Variants in CTNNA3 observed in about 807,000 individuals in gnomAD.
CTNNA3 encodes the protein catenin alpha-3.
CTNNA3 carries 76 observed loss-of-function variants against 95.7 expected under a neutral mutation model. The observed-to-expected ratio is 0.79, with a 90% CI of 0.66 to 0.96. The LOEUF (loss-of-function observed/expected upper bound fraction) is 0.96, where lower values mean the gene tolerates loss of function less well. Among genes scored for constraint, CTNNA3 ranks in the 40% least tolerant of loss-of-function variants. CTNNA3 has a pLI of 0.00. For missense variants in CTNNA3, 1,191 were observed against 1,089.8 expected (o/e 1.09, Z -1.31); for synonymous variants, 431 against 374.4 (o/e 1.15, Z -1.74).
intron 5 of CTNNA3, among the ~76,000 whole-genome samples, chr10:67,267,932 C>A (rs1490140952): frequency 6.6e-6 from 1 of 151,616 alleles, no homozygotes; most frequent in Non-Finnish European, 1.5e-5. Context: ...GAAGAAAGAG[C>A]CAAGAATTTA....
chr10:67,636,452 G>A (rs10997764), intron 2 of CTNNA3, among the ~76,000 whole-genome samples: 18,597 of 152,116 alleles, frequency 0.12, 2,103 homozygotes, highest in East Asian at 0.44. Flanking sequence ...AAACAGCATG[G>A]TACTGGTATA....
chr10:66,798,688 T>G (rs945327459), intron 7 of CTNNA3, among the ~76,000 whole-genome samples: 2 of 151,636 alleles, frequency 1.3e-5, no homozygotes, highest in African/African-American at 4.8e-5. Context: ...AAACTTTGAT[T>G]AGTGAAGTGA....
At chr10:66,712,342 G>C (rs953379538) in intron 9 of CTNNA3, among the ~76,000 whole-genome samples, 8 of 152,086 alleles carry the variant, frequency 5.3e-5, no homozygotes, top group African/African-American at 1.7e-4. Context: ...TGAGTAAAGA[G>C]GGAGGAATTA....
At chr10:66,888,818 C>T (rs1287183098) in intron 7 of CTNNA3, among the ~76,000 whole-genome samples, 3 of 152,144 alleles carry the variant, frequency 2.0e-5, no homozygotes, top group East Asian at 1.9e-4. Context: ...GACACTTTAA[C>T]GAAATTATAC....
chr10:66,291,741 T>C (rs1046071259), intron 12 of CTNNA3, among the ~76,000 whole-genome samples: 1 of 151,662 alleles, frequency 6.6e-6, no homozygotes, highest in African/African-American at 2.4e-5. Context: ...TATATGTGTA[T>C]TTATATATTA....
At chr10:66,211,982 GGTTTT>G (rs992931667) in intron 13 of CTNNA3, among the ~76,000 whole-genome samples, 5 of 119,604 alleles carry the variant, frequency 4.2e-5, no homozygotes, top group African/African-American at 1.7e-4. Context: ...ATTGTTTTTG[GGTTTT>G]TTTTTTTTTT....
At chr10:67,726,221 CAT>C (rs1316524037) in intron 1 of CTNNA3, among the ~76,000 whole-genome samples, 2 of 90,344 alleles carry the variant, frequency 2.2e-5, no homozygotes, top group Non-Finnish European at 3.8e-5. Flanking sequence ...ATACATAATA[CAT>C]CATACATTAT....
chr10:66,068,919 A>G (rs1176776199), intron 15 of CTNNA3, among the ~76,000 whole-genome samples: 1 of 152,204 alleles, frequency 6.6e-6, no homozygotes, highest in Non-Finnish European at 1.5e-5. Context: ...TATCCTGATT[A>G]TGCTATAAAT....
intron 11 of CTNNA3, among the ~76,000 whole-genome samples, chr10:66,456,611 A>AAG (rs1343730922): frequency 6.6e-6 from 1 of 151,838 alleles, no homozygotes; most frequent in Non-Finnish European, 1.5e-5. Context: ...GGGAGGCAGA[A>AAG]GTTGTGGTGA....
chr10:66,144,353 T>A (rs761589833), intron 13 of CTNNA3, among the ~76,000 whole-genome samples: 3 of 152,218 alleles, frequency 2.0e-5, no homozygotes, highest in Non-Finnish European at 4.4e-5. Context: ...TTTTATTTTA[T>A]CTTTTTATCA....
intron 5 of CTNNA3, among the ~76,000 whole-genome samples, chr10:67,315,849 T>A (rs1333762855): frequency 6.6e-6 from 1 of 152,160 alleles, no homozygotes; most frequent in Admixed American, 6.5e-5. Context: ...TCACTAGTGA[T>A]TGCACTGCTT....
intron 7 of CTNNA3, among the ~76,000 whole-genome samples, chr10:67,121,835 C>T (rs1859478111): frequency 6.6e-6 from 1 of 151,910 alleles, no homozygotes; most frequent in Non-Finnish European, 1.5e-5. Context: ...CTCCAGAGAA[C>T]TGTTGCCAAA....
chr10:66,598,309 CAAT>C (rs1460506591), intron 10 of CTNNA3, among the ~76,000 whole-genome samples: 2 of 151,946 alleles, frequency 1.3e-5, no homozygotes, highest in African/African-American at 4.8e-5. Context: ...ACATCACACT[CAAT>C]GATGAAAATT....
intron 16 of CTNNA3, among the ~76,000 whole-genome samples, chr10:65,972,457 G>C (rs749653324): frequency 3.3e-5 from 5 of 151,950 alleles, no homozygotes; most frequent in African/African-American, 9.7e-5. Context: ...TTACTAAAAG[G>C]CTCCTGGAAC....
intron 5 of CTNNA3, among the ~76,000 whole-genome samples, chr10:67,247,134 G>A (rs905083634): frequency 7.2e-5 from 11 of 152,032 alleles, no homozygotes; most frequent in Non-Finnish European, 1.5e-4. Flanking sequence ...ATCCAACATT[G>A]CACTAGTTCT....
chr10:66,168,867 T>C (rs780526624), intron 13 of CTNNA3, among the ~76,000 whole-genome samples: 4 of 152,196 alleles, frequency 2.6e-5, no homozygotes, highest in Non-Finnish European at 4.4e-5. Flanking sequence ...AGAAGACTTC[T>C]ATATTTCAGT....
chr10:67,487,476 A>G (rs536976643), intron 5 of CTNNA3, among the ~76,000 whole-genome samples: 1 of 152,214 alleles, frequency 6.6e-6, no homozygotes, highest in Admixed American at 6.5e-5. Context: ...TCACTGAAAC[A>G]TAAAGGGGGT....
chr10:66,480,690 C>A (rs767481528), intron 11 of CTNNA3, among the ~76,000 whole-genome samples: 1 of 152,078 alleles, frequency 6.6e-6, no homozygotes, highest in Non-Finnish European at 1.5e-5. Context: ...CTGCAACCTC[C>A]GTCTCACAGG....
At chr10:66,080,664 AT>A (rs1383667387) in intron 14 of CTNNA3, among the ~76,000 whole-genome samples, 1 of 152,138 alleles carries the variant, frequency 6.6e-6, no homozygotes, top group African/African-American at 2.4e-5. Context: ...GCCAAGGAAA[AT>A]TTTATTCAAT....
Sources: gnomAD v4.1 joint callset for allele counts (sites outside exome capture counted in the v4.1 genomes callset) on GRCh38, gnomAD v4.1.1 for gene constraint, MANE v1.5 for transcripts, NCBI Gene and HGNC (gene_info 2026-07-23, HGNC 2026-07-21) for gene names.